TRPC7: variants seen among roughly 807,000 people sequenced by gnomAD.
The protein encoded by TRPC7 is transient receptor potential cation channel subfamily C member 7.
A neutral mutation model predicts 90.1 loss-of-function variants in TRPC7; 42 were observed. The observed-to-expected ratio is 0.47, with a 90% CI of 0.36 to 0.60. TRPC7 has a LOEUF of 0.60. Among genes scored for constraint, TRPC7 ranks in the 20% least tolerant of loss-of-function variants. The probability of loss-of-function intolerance (pLI) is 0.00; values close to 1 mark genes in which losing one functional copy is unlikely to be tolerated. For missense variants in TRPC7, 955 were observed against 1,112.3 expected (o/e 0.86, Z 2.01); for synonymous variants, 451 against 436.3 (o/e 1.03, Z -0.42).
chr5:136,355,135 G>A (rs1760321952), intron 2 of TRPC7, among the ~76,000 whole-genome samples: 1 of 152,180 alleles, frequency 6.6e-6, no homozygotes, highest in Non-Finnish European at 1.5e-5. Context: ...GCACATGATA[G>A]TCTCTGGTTG....
chr5:136,262,228 G>A (rs1018540475), intron 5 of TRPC7, among the ~76,000 whole-genome samples: 1 of 151,860 alleles, frequency 6.6e-6, no homozygotes, highest in Non-Finnish European at 1.5e-5. Context: ...AACTGAAGTC[G>A]TATGATGTCA....
In TRPC7 at chr5:136,235,345, G is replaced by A. The variant is rs556909546; in HGVS notation, c.1845-3796C>T. Among the ~76,000 whole-genome samples the A allele has an allele frequency of 5.9e-5, 9 of 152,320 alleles. 1 individual carries two copies. Among genetic ancestry groups the A allele is most frequent in the African/African-American group, 2.2e-4 (9 of 41,570 alleles). On this transcript the variant is annotated intron_variant, in intron 7 of 11. Transcript: ENST00000513104. ...AATGAACTTACGATGCCATGCTAGT[G>A]TCATCTTCCAACTTAACATGTGGCA...
intron 3 of TRPC7, among the ~76,000 whole-genome samples, chr5:136,284,660 C>T (rs1225039821): frequency 2.6e-5 from 4 of 152,156 alleles, no homozygotes; most frequent in African/African-American, 9.7e-5. Flanking sequence ...AGTGCCCTAA[C>T]AGGAGTTGAC....
intron 8 of TRPC7, among the ~76,000 whole-genome samples, chr5:136,227,567 C>G (rs1242551649): frequency 1.3e-5 from 2 of 152,114 alleles, no homozygotes; most frequent in Non-Finnish European, 2.9e-5. Context: ...CAACACTGGT[C>G]CTGGTCTACT....
At chr5:136,264,040 T>G (rs1756946918) in intron 5 of TRPC7, among the ~76,000 whole-genome samples, 1 of 152,224 alleles carries the variant, frequency 6.6e-6, no homozygotes, top group African/African-American at 2.4e-5. Flanking sequence ...GAATTTTCCT[T>G]CTGGAAAGAG....
chr5:136,339,965 T>TA (rs11481505), intron 2 of TRPC7, among the ~76,000 whole-genome samples: 58,393 of 151,640 alleles, frequency 0.39, 11,606 homozygotes, highest in Middle Eastern at 0.5. Flanking sequence ...TCAGGTGCAT[T>TA]AAAAAAATAA....
intron 8 of TRPC7, among the ~76,000 whole-genome samples, chr5:136,229,298 G>A (rs1376517879): frequency 6.6e-6 from 1 of 152,016 alleles, no homozygotes. Flanking sequence ...TTTTTTCCTC[G>A]CTCAATCTAT....
chr5:136,323,391 C>T (rs1759256238), intron 2 of TRPC7, among the ~76,000 whole-genome samples: 2 of 152,300 alleles, frequency 1.3e-5, no homozygotes, highest in South Asian at 2.1e-4. Context: ...TTTTATGTTA[C>T]AATTAAGAAA....
chr5:136,296,979 G>A (rs1201092754), intron 3 of TRPC7, among the ~76,000 whole-genome samples: 2 of 152,134 alleles, frequency 1.3e-5, no homozygotes, highest in Non-Finnish European at 2.9e-5. Flanking sequence ...CTCTTCCCAA[G>A]CTCCTTTCTT....
At chr5:136,292,517 T>G (rs1024558701) in intron 3 of TRPC7, among the ~76,000 whole-genome samples, 5 of 152,144 alleles carry the variant, frequency 3.3e-5, no homozygotes, top group Non-Finnish European at 7.4e-5. Context: ...TATAAACACC[T>G]CTATGCAAAT....
At chr5:136,319,973 C>T (rs545274472) in intron 2 of TRPC7, among the ~76,000 whole-genome samples, 1 of 152,128 alleles carries the variant, frequency 6.6e-6, no homozygotes, top group South Asian at 2.1e-4. Context: ...TTATGAATTT[C>T]AATACCACCC....
At chr5:136,338,907 G>GA (rs922847963) in intron 2 of TRPC7, among the ~76,000 whole-genome samples, 2 of 151,404 alleles carry the variant, frequency 1.3e-5, no homozygotes, top group Middle Eastern at 3.4e-3. Context: ...TCCAAAACTT[G>GA]AAAAAAAACC....
At chr5:136,269,438 C>G (rs1757134293) in intron 4 of TRPC7, among the ~76,000 whole-genome samples, 1 of 152,226 alleles carries the variant, frequency 6.6e-6, no homozygotes, top group South Asian at 2.1e-4. Flanking sequence ...GGCTCTTAGC[C>G]CCCACAAGTG....
chr5:136,214,899 A>G (rs1449191068), intron 11 of TRPC7, among the ~76,000 whole-genome samples: 1 of 152,218 alleles, frequency 6.6e-6, no homozygotes, highest in African/African-American at 2.4e-5. Flanking sequence ...ATTACCTGGC[A>G]TAAAGTAATT....
chr5:136,296,084 G>T (rs192367610), intron 3 of TRPC7, among the ~76,000 whole-genome samples: 1 of 152,136 alleles, frequency 6.6e-6, no homozygotes, highest in African/African-American at 2.4e-5. Flanking sequence ...GTAAGGCTCC[G>T]GTATGGAAAT....
At chr5:136,341,517 C>G (rs1182287114) in intron 2 of TRPC7, among the ~76,000 whole-genome samples, 1 of 151,708 alleles carries the variant, frequency 6.6e-6, no homozygotes, top group Non-Finnish European at 1.5e-5. Context: ...AAGATTTATG[C>G]CCAGATATAA....
intron 2 of TRPC7, among the ~76,000 whole-genome samples, chr5:136,329,905 G>A (rs1759448114): frequency 6.6e-6 from 1 of 152,056 alleles, no homozygotes; most frequent in South Asian, 2.1e-4. Context: ...TTGCCTATAT[G>A]AACTTAGTCT....
chr5:136,334,938 G>A (rs1371784751), intron 2 of TRPC7, among the ~76,000 whole-genome samples: 1 of 152,102 alleles, frequency 6.6e-6, no homozygotes, highest in Non-Finnish European at 1.5e-5. Context: ...CTTGTATATA[G>A]GTCACTGTAG....
Position 136,251,827 on chromosome 5 carries a change from C to G in TRPC7, c.1401G>C (p.Val467=), listed in dbSNP as rs542603130. The G allele has an allele frequency of 6.2e-7, 1 of 1,614,016 alleles. No homozygotes were observed. Among genetic ancestry groups the G allele is most frequent in the South Asian group, 1.1e-5 (1 of 91,088 alleles). The change falls in exon 6 of 12, where the codon GTG becomes GTC. Residue 467 remains valine (V), a synonymous_variant. Transcript: ENST00000513104. ...EIWEEGPREY[V]LHLWNLLDFG... is the part of the protein sequence containing the mutation. ...AATCTAGCAGGTTCCACAAGTGCAG[C>G]ACGTACTCCCGTGGCCCCTCCTCCC...
Sources: gnomAD v4.1 joint callset for allele counts (sites outside exome capture counted in the v4.1 genomes callset) on GRCh38, gnomAD v4.1.1 for gene constraint, MANE v1.5 for transcripts, NCBI Gene and HGNC (gene_info 2026-07-23, HGNC 2026-07-21) for gene names.